Variants in MED12L observed in about 807,000 individuals in gnomAD.
MED12L encodes mediator of RNA polymerase II transcription subunit 12-like protein.
Under a neutral mutation model 281.3 loss-of-function variants are expected in MED12L, and 60 were observed. The ratio of observed to expected loss-of-function variants is 0.21; its 90% CI spans 0.17 to 0.26. The LOEUF (loss-of-function observed/expected upper bound fraction) is 0.26. Among genes scored for constraint, MED12L ranks in the 10% least tolerant of loss-of-function variants. The pLI is 1.00. For missense variants in MED12L, 2,146 were observed against 2,680.9 expected (o/e 0.80, Z 4.41); for synonymous variants, 974 against 987.2 (o/e 0.99, Z 0.25).
intron 16 of MED12L, chr3:151,338,317 A>G: frequency 6.2e-7 from 1 of 1,614,152 alleles, no homozygotes; most frequent in Non-Finnish European, 8.5e-7. Flanking sequence ...GATTTAAGGA[A>G]AGAGCATTTC....
At chr3:151,331,643 T>C (rs1426319071) in intron 16 of MED12L, among the ~76,000 whole-genome samples, 1 of 152,086 alleles carries the variant, frequency 6.6e-6, no homozygotes, top group Non-Finnish European at 1.5e-5. Context: ...GAAGATACAG[T>C]GAAAGATCCC....
At chr3:151,143,913 C>G (rs2148879133) in intron 5 of MED12L, among the ~76,000 whole-genome samples, 1 of 152,274 alleles carries the variant, frequency 6.6e-6, no homozygotes, top group East Asian at 1.9e-4. Context: ...AAATGCTGTC[C>G]CTGTTATTCC....
chr3:151,324,302 G>A (rs1749325333), intron 16 of MED12L, among the ~76,000 whole-genome samples: 1 of 152,186 alleles, frequency 6.6e-6, no homozygotes, highest in African/African-American at 2.4e-5. Flanking sequence ...GTAAGGTCCT[G>A]GGAGGTTCTT....
chr3:151,098,821 C>T (rs1406293798), intron 2 of MED12L, among the ~76,000 whole-genome samples: 3 of 152,118 alleles, frequency 2.0e-5, no homozygotes, highest in Admixed American at 6.5e-5. Flanking sequence ...GGTGTATTAG[C>T]CTGTTTTCAC....
chr3:151,191,065 C>A, intron 14 of MED12L, 134 bp downstream of exon 14: 1 of 702,646 alleles, frequency 1.4e-6, no homozygotes, highest in Non-Finnish European at 2.3e-6. Context: ...TTGTTTATCT[C>A]TACTTCTCGA....
At chr3:151,252,806 C>T (rs144977788) in intron 16 of MED12L, among the ~76,000 whole-genome samples, 1 of 152,144 alleles carries the variant, frequency 6.6e-6, no homozygotes, top group Non-Finnish European at 1.5e-5. Context: ...TAGAACTTAT[C>T]TAGAAAACCT....
intron 16 of MED12L, among the ~76,000 whole-genome samples, chr3:151,271,627 G>A (rs1347040439): frequency 6.6e-6 from 1 of 152,094 alleles, no homozygotes; most frequent in Admixed American, 6.6e-5. Context: ...GATTAAAATG[G>A]GTAAACAAAT....
intron 43 of MED12L, chr3:151,425,578 G>GTT (rs1718786959): frequency 2.2e-6 from 1 of 451,684 alleles, no homozygotes; most frequent in South Asian, 1.6e-5. Flanking sequence ...GTGTGTGTGT[G>GTT]TGTGTGTCTG....
chr3:151,254,648 G>A (rs547399126), intron 16 of MED12L, among the ~76,000 whole-genome samples: 1 of 152,360 alleles, frequency 6.6e-6, no homozygotes, highest in South Asian at 2.1e-4. Flanking sequence ...AGAGAGAAAT[G>A]TGAAGTCCAA....
At chr3:151,188,333 T>C (rs757075514) in intron 12 of MED12L, 21 bp from the exon 13 acceptor site, 126 of 1,571,844 alleles carry the variant, frequency 8.0e-5, no homozygotes, top group Non-Finnish European at 1.0e-4. Context: ...ATTAACTTTG[T>C]TATTTATTTT....
chr3:151,404,730 C>A (rs1310889262), intron 39 of MED12L, among the ~76,000 whole-genome samples: 1 of 152,178 alleles, frequency 6.6e-6, no homozygotes, highest in African/African-American at 2.4e-5. Flanking sequence ...TAACTTGTCT[C>A]TCTACTTGTA....
chr3:151,193,463 C>G, intron 15 of MED12L, 27 bp from the exon 16 acceptor site: 1 of 1,594,628 alleles, frequency 6.3e-7, no homozygotes, highest in Non-Finnish European at 8.6e-7. Flanking sequence ...CATTTACAAT[C>G]TCCAACATTT....
In MED12L at chr3:151,145,017, C is replaced by T. The variant is rs747205; in HGVS notation, c.557-11144C>T. Among the ~76,000 whole-genome samples the T allele has an allele frequency of 6.0e-3, 917 of 151,906 alleles. 7 individuals carry two copies. The highest frequency in any genetic ancestry group is 0.021 in the African/African-American group (860 of 41,314). On this transcript the variant is annotated intron_variant, in intron 5 of 44. Transcript: ENST00000687756. ...GTAAGTTTGCTTTCTTCTGGGCCCT[C>T]GCTCTGTGCCAGTCACTGTTTTAGC...
chr3:151,262,750 T>C (rs1410719538), intron 16 of MED12L, among the ~76,000 whole-genome samples: 2 of 128,608 alleles, frequency 1.6e-5, no homozygotes, highest in African/African-American at 5.5e-5. Flanking sequence ...GGAATAATAA[T>C]AATACCTAAG....
At chr3:151,233,640 G>A (rs1243509642) in intron 16 of MED12L, among the ~76,000 whole-genome samples, 1 of 152,212 alleles carries the variant, frequency 6.6e-6, no homozygotes, top group Non-Finnish European at 1.5e-5. Flanking sequence ...GGCTGAGGCA[G>A]GAGAATCACT....
Position 151,341,847 on chromosome 3 carries a change from G to A in MED12L, c.2251-8212G>A, listed in dbSNP as rs569297969. ...GTGGTGTTTGGTTTTTTGTTCTTGCGATAGTTTACTGAGAATGATGATTTC... is the reference window on the plus strand; with the variant it reads ...GTGGTGTTTGGTTTTTTGTTCTTGCAATAGTTTACTGAGAATGATGATTTC... On this transcript the variant is annotated intron_variant, in intron 16 of 44. Transcript: ENST00000687756. 7.9e-5 allele frequency among the ~76,000 whole-genome samples: 12 copies of A among 151,656 alleles called. No homozygotes were observed. The South Asian group carries it at 2.5e-3, about 32-fold the overall frequency.
At chr3:151,199,306 A>C (rs758396711) in intron 16 of MED12L, 2 of 1,613,834 alleles carry the variant, frequency 1.2e-6, no homozygotes, top group Non-Finnish European at 1.7e-6. Context: ...CAATAATTCC[A>C]ACAAGGAAAA....
intron 11 of MED12L, among the ~76,000 whole-genome samples, chr3:151,179,827 T>G (rs1722502468): frequency 4.6e-5 from 7 of 152,172 alleles, no homozygotes; most frequent in Admixed American, 4.6e-4. Flanking sequence ...AACCAAAAAT[T>G]TTCATAGTTC....
chr3:151,234,725 C>A (rs1732373479), intron 16 of MED12L, among the ~76,000 whole-genome samples: 1 of 152,210 alleles, frequency 6.6e-6, no homozygotes, highest in Non-Finnish European at 1.5e-5. Context: ...CCTGTATGTT[C>A]TTAACTTGGT....
Sources: gnomAD v4.1 joint callset for allele counts (sites outside exome capture counted in the v4.1 genomes callset) on GRCh38, gnomAD v4.1.1 for gene constraint, MANE v1.5 for transcripts, NCBI Gene and HGNC (gene_info 2026-07-23, HGNC 2026-07-21) for gene names.